Variants in ASB2 observed in about 807,000 individuals in gnomAD.
ASB2 encodes ankyrin repeat and SOCS box containing 2.
Under a neutral mutation model 62.4 loss-of-function variants are expected in ASB2, and 58 were observed. That is an observed-to-expected ratio of 0.93 (90% confidence interval 0.75 to 1.16). The LOEUF (loss-of-function observed/expected upper bound fraction) is 1.16. Among genes scored for constraint, ASB2 ranks in the 50% most tolerant of loss-of-function variants. The pLI, the probability that ASB2 is intolerant of heterozygous loss-of-function variation, is 0.00. For missense variants in ASB2, 928 were observed against 887.9 expected (o/e 1.05, Z -0.57); for synonymous variants, 386 against 385.3 (o/e 1.00, Z -0.02).
At chr14:93,938,185 C>T (rs12435009) in intron 8 of ASB2, among the ~76,000 whole-genome samples, 41,049 of 148,670 alleles carry the variant, frequency 0.28, 6,456 homozygotes, top group East Asian at 0.6. Flanking sequence ...ACCATTAAAA[C>T]AATGAGCTCC....
In ASB2 at chr14:93,954,343, A is replaced by G; in HGVS notation, c.452T>C (p.Val151Ala). 1.9e-6 allele frequency: 3 copies of G among 1,613,716 alleles called. No individual in the cohort carries two copies. The highest frequency in any genetic ancestry group is 1.7e-6 in the Non-Finnish European group (2 of 1,179,916). Residue 151 changes from valine to alanine, a missense_variant, in exon 4 of 10, where the codon GTG (valine) becomes GCG (alanine). Physicochemically the swap from Val to Ala is moderately conservative, Grantham distance 64. Coordinates refer to ENST00000555019, the MANE Select transcript of ASB2 (RefSeq NM_001202429.2). ...TCGCTGCAGGACTTTCAGGCAGCCC[A>G]CCTGGCCATAGTATGCGGCCTCGTG... is the stretch of plus-strand genomic sequence containing the variant. ...PLHEAAYYGQ[V>A]GCLKVLQRAY...
In ASB2 at chr14:93,939,113, C is replaced by A. The variant is rs1446631039; in HGVS notation, c.1612G>T (p.Val538Leu). 1 of 1,497,946 alleles carries A rather than the reference C, an allele frequency of 6.7e-7. No individual in the cohort carries two copies. The highest frequency in any genetic ancestry group is 1.4e-5 in the African/African-American group (1 of 71,660). 92.8% of individuals were successfully genotyped at this position (1,497,946 alleles called of 1,614,324 possible). A position where few individuals can be genotyped will look rare whatever the true frequency, so the allele number is the denominator to read the frequency against. Reference sequence around the variant, plus strand: ...CGCCAGCGTGCGCTGCCCACCTGCACCACGCTGGGCTCCTTGTCGGCCGCG... The same window carrying A: ...CGCCAGCGTGCGCTGCCCACCTGCAACACGCTGGGCTCCTTGTCGGCCGCG... ...APAADKEPSV[V>L]QFCEFVSAPE... The change falls in exon 8 of 10, where the codon GTG becomes TTG. Residue 538 changes from valine to leucine, a missense_variant. Coordinates refer to ENST00000555019, the MANE Select transcript of ASB2 (RefSeq NM_001202429.2).
Position 93,956,687 on chromosome 14 carries a change from G to A in ASB2, c.311+79C>T. The A allele has an allele frequency of 2.5e-6, 4 of 1,573,820 alleles. No individual in the cohort carries two copies. The South Asian group carries it at 3.3e-5, about 13-fold the overall frequency. On this transcript the variant is annotated intron_variant, in intron 3 of 9. Coordinates refer to ENST00000555019, the MANE Select transcript of ASB2 (RefSeq NM_001202429.2). ...CCCTCTGCCCTCCTGGGGGCTGTGG[G>A]CCTGCTTCCCACCCTCCCTGCCATC...
chr14:93,954,912 C>T (rs914520987), intron 3 of ASB2, among the ~76,000 whole-genome samples: 1 of 152,176 alleles, frequency 6.6e-6, no homozygotes, highest in Non-Finnish European at 1.5e-5. Flanking sequence ...CTTATTCCTA[C>T]TCCCAGTACA....
At chr14:93,937,580 CA>C in intron 9 of ASB2, 117 bp downstream of exon 9, 1 of 1,055,284 alleles carries the variant, frequency 9.5e-7, no homozygotes, top group Middle Eastern at 3.2e-4. Flanking sequence ...CAAGGAGTTA[CA>C]GAGCCTGGCA....
At chr14:93,971,480 G>A (rs571445809) in intron 1 of ASB2, among the ~76,000 whole-genome samples, 4 of 152,310 alleles carry the variant, frequency 2.6e-5, no homozygotes, top group African/African-American at 4.8e-5. Context: ...TAGTGAGCAC[G>A]TAATTCATTT....
intron 1 of ASB2, 75 bp from the exon 2 acceptor site, chr14:93,964,687 T>C (rs567385948): frequency 7.3e-6 from 5 of 686,212 alleles, no homozygotes; most frequent in Non-Finnish European, 1.3e-5. Flanking sequence ...GGGAAGGGTA[T>C]GCATTTCACT....
chr14:93,969,194 G>T (rs979491192), intron 1 of ASB2, among the ~76,000 whole-genome samples: 1 of 152,200 alleles, frequency 6.6e-6, no homozygotes, highest in Non-Finnish European at 1.5e-5. Flanking sequence ...TGCACGGGCC[G>T]CTTCAGGACA....
At chr14:93,955,994 A>G (rs935695962) in intron 3 of ASB2, among the ~76,000 whole-genome samples, 2 of 152,192 alleles carry the variant, frequency 1.3e-5, no homozygotes, top group Non-Finnish European at 2.9e-5. Context: ...AAGGAAGTGG[A>G]GGGCGACAGG....
In ASB2 at chr14:93,939,624, A is replaced by G. The variant is rs1014268142; in HGVS notation, c.1101T>C (p.Arg367=). The change falls in exon 8 of 10, where the codon CGT becomes CGC. Residue 367 remains arginine (R), a synonymous_variant. Coordinates refer to ENST00000555019, the MANE Select transcript of ASB2 (RefSeq NM_001202429.2). ...LPVTSRTRIR[R]SGVSPLHLAA... is the part of the protein sequence containing the mutation. ...CCAGGTGCAGCGGACTGACGCCGCT[A>G]CGGCGTATGCGCGTGCGGCTGGTCA... 4.5e-6 allele frequency: 7 copies of G among 1,544,822 alleles called. No individual in the cohort carries two copies. In the African/African-American group the frequency reaches 6.9e-5, roughly 15 times the overall value.
chr14:93,951,904 A>C (rs1487027848), intron 5 of ASB2, among the ~76,000 whole-genome samples: 1 of 152,214 alleles, frequency 6.6e-6, no homozygotes, highest in African/African-American at 2.4e-5. Flanking sequence ...AACCTCCTTT[A>C]TAAGCCTCAT....
At chr14:93,968,372 A>T (rs1053041976) in intron 1 of ASB2, 3 of 152,220 alleles carry the variant, frequency 2.0e-5, no homozygotes, top group African/African-American at 4.8e-5. Context: ...CCTGATGCGC[A>T]TACGTTATTG....
At chr14:93,953,249 G>A in intron 5 of ASB2, 103 bp downstream of exon 5, 1 of 1,032,442 alleles carries the variant, frequency 9.7e-7, no homozygotes, top group Non-Finnish European at 1.4e-6. Flanking sequence ...TTTGAGCAGG[G>A]CCACGTTGGG....
At chr14:93,947,255 G>A in intron 7 of ASB2, 94 bp downstream of exon 7, 1 of 1,370,444 alleles carries the variant, frequency 7.3e-7, no homozygotes, top group Non-Finnish European at 1.0e-6. Flanking sequence ...AATCCTGTGG[G>A]TGGGACATTC....
At position 93,947,503 on chromosome 14, in the gene ASB2, G is replaced by C; in HGVS notation, c.898C>G (p.Gln300Glu). Residue 300 changes from glutamine (Q) to glutamate (E), a missense_variant, in exon 7 of 10, where the codon CAG becomes GAG. By Grantham distance (29) the Gln-to-Glu change is conservative (BLOSUM62 2). Coordinates refer to ENST00000555019, the MANE Select transcript of ASB2 (RefSeq NM_001202429.2). Reference sequence around the variant, plus strand: ...AGGGCAGACGCGTTGTCGCTGGCCTGCGTGTTGATGTCAGCACCTGGGGAA... The same window carrying C: ...AGGGCAGACGCGTTGTCGCTGGCCTCCGTGTTGATGTCAGCACCTGGGGAA... ...LAKYGADINT[Q>E]ASDNASALYE... 2 of 1,614,024 alleles carry C rather than the reference G, an allele frequency of 1.2e-6. No homozygotes were observed. The highest frequency in any genetic ancestry group is 1.7e-6 in the Non-Finnish European group (2 of 1,180,026).
At chr14:93,957,429 G>C (rs574288545) in intron 2 of ASB2, 1 of 988,974 alleles carries the variant, frequency 1.0e-6, no homozygotes, top group South Asian at 4.5e-5. Flanking sequence ...CCTCTATAGT[G>C]TTATTATAGG....
intron 1 of ASB2, among the ~76,000 whole-genome samples, chr14:93,970,307 T>C (rs1479699230): frequency 6.6e-6 from 1 of 152,206 alleles, no homozygotes; most frequent in African/African-American, 2.4e-5. Flanking sequence ...GGGACTTGGG[T>C]CGGACATGTG....
In ASB2 at chr14:93,939,117, G is replaced by A. The variant is rs763361798; in HGVS notation, c.1608C>T (p.Ser536=). The A allele has an allele frequency of 9.3e-6, 14 of 1,513,262 alleles. No homozygotes were observed. Among genetic ancestry groups the A allele is most frequent in the Non-Finnish European group, 1.2e-5 (13 of 1,126,764 alleles). The allele number at this position is 1,513,262 out of a possible 1,614,324, so 93.7% of individuals were successfully genotyped here. The change falls in exon 8 of 10, where the codon AGC becomes AGT. Residue 536 remains serine (S), a synonymous_variant. Transcript: ENST00000555019. Reference sequence around the variant, plus strand: ...AGCGTGCGCTGCCCACCTGCACCACGCTGGGCTCCTTGTCGGCCGCGGGCG... The same window carrying A: ...AGCGTGCGCTGCCCACCTGCACCACACTGGGCTCCTTGTCGGCCGCGGGCG... The part of the protein sequence containing the change: ...NDAPAADKEP[S]VVQFCEFVSA...
Position 93,939,293 on chromosome 14 carries a change from A to C in ASB2, c.1432T>G (p.Phe478Val), listed in dbSNP as rs776863345. The C allele has an allele frequency of 3.7e-6, 6 of 1,609,028 alleles. No individual in the cohort carries two copies. The highest frequency in any genetic ancestry group is 5.1e-6 in the Non-Finnish European group (6 of 1,176,562). Reference protein sequence around the residue: ...DAYIATHPTAFPATIMFAMKC... With the variant: ...DAYIATHPTAVPATIMFAMKC... ...ATGGCGAACATGATGGTGGCGGGGAAGGCGGTGGGGTGCGTGGCGATATAG... is the reference window on the plus strand; with the variant it reads ...ATGGCGAACATGATGGTGGCGGGGACGGCGGTGGGGTGCGTGGCGATATAG... The change falls in exon 8 of 10, where the codon TTC (phenylalanine) becomes GTC (valine). Residue 478 changes from phenylalanine to valine, a missense_variant. Coordinates refer to ENST00000555019, the MANE Select transcript of ASB2 (RefSeq NM_001202429.2).
Sources: gnomAD v4.1 joint callset for allele counts (sites outside exome capture counted in the v4.1 genomes callset) on GRCh38, gnomAD v4.1.1 for gene constraint, MANE v1.5 for transcripts, NCBI Gene and HGNC (gene_info 2026-07-23, HGNC 2026-07-21) for gene names.